PFDN1: variants seen among roughly 807,000 people sequenced by gnomAD.
PFDN1 encodes the protein prefoldin 1.
A neutral mutation model predicts 17.3 loss-of-function variants in PFDN1; 6 were observed. That is an observed-to-expected ratio of 0.35 (90% CI 0.19 to 0.69). The LOEUF (loss-of-function observed/expected upper bound fraction) is 0.69, where lower values mean the gene tolerates loss of function less well. Among genes scored for constraint, PFDN1 ranks in the 30% least tolerant of loss-of-function variants. The probability of loss-of-function intolerance (pLI) is 0.65; values close to 1 mark genes in which losing one functional copy is unlikely to be tolerated. For missense variants in PFDN1, 113 were observed against 146.2 expected, an observed-to-expected ratio of 0.77 and a Z score of 1.17; for synonymous variants, 58 against 50.1, an observed-to-expected ratio of 1.16 and a Z score of -0.67.
intron 2 of PFDN1, among the ~76,000 whole-genome samples, chr5:140,285,067 G>A (rs1765464804): frequency 6.6e-6 from 1 of 152,110 alleles, no homozygotes; most frequent in Non-Finnish European, 1.5e-5. Context: ...GCTGCATTTT[G>A]GACACAATTT....
rs531950021 is a variant in PFDN1, at chr5:140,286,478, A to C, written c.201-4945T>G. On this transcript the variant is annotated intron_variant, in intron 2 of 3. Transcript: ENST00000261813. ...ATGTCATTCCATTTTCAAGATGAAA[A>C]AATATGTAAAATAAAAAAGGATTTA... Among the ~76,000 whole-genome samples the C allele has an allele frequency of 1.1e-4, 16 of 151,586 alleles. No homozygotes were observed. In the South Asian group the frequency reaches 3.3e-3, roughly 31 times the overall value.
chr5:140,302,232 T>C (rs1383873445), intron 1 of PFDN1, among the ~76,000 whole-genome samples: 1 of 152,200 alleles, frequency 6.6e-6, no homozygotes, highest in Non-Finnish European at 1.5e-5. Flanking sequence ...TCCAGAAAAG[T>C]AGATTTAAAA....
chr5:140,246,598 G>A (rs1581078606), intron 3 of PFDN1, among the ~76,000 whole-genome samples: 1 of 152,328 alleles, frequency 6.6e-6, no homozygotes, highest in East Asian at 1.9e-4. Context: ...CTTTTCTAAT[G>A]AGACTGCTGC....
At position 140,279,589 on chromosome 5, in the gene PFDN1, G is replaced by A. The variant is rs564007926; in HGVS notation, c.285+1860C>T. 1.3e-4 allele frequency among the ~76,000 whole-genome samples: 20 copies of A among 151,750 alleles called. No homozygotes were observed. In the South Asian group the frequency reaches 4.2e-3, roughly 32 times the overall value. ...GGCAATCCTCCCGCTTCAGCCTCCC[G>A]TAGCTGGGACTACAAGCATTTGCCA... is the stretch of plus-strand genomic sequence containing the variant. On this transcript the variant is annotated intron_variant, in intron 3 of 3. Transcript: ENST00000261813.
At chr5:140,251,995 T>TTTTCTTTC (rs3082569) in intron 3 of PFDN1, among the ~76,000 whole-genome samples, 76 of 150,498 alleles carry the variant, frequency 5.0e-4, no homozygotes, top group Non-Finnish European at 8.1e-4. Context: ...TTAGTTTTTT[T>TTTTCTTTC]TTTCTTTCTT....
chr5:140,287,576 T>C (rs1359450865), intron 2 of PFDN1, among the ~76,000 whole-genome samples: 1 of 151,716 alleles, frequency 6.6e-6, no homozygotes, highest in South Asian at 2.1e-4. Flanking sequence ...GCAGGGAAAA[T>C]ACAAGATGAA....
At position 140,303,100 on chromosome 5, in the gene PFDN1, G is replaced by T. The variant is rs1238710580; in HGVS notation, c.-27C>A. 6.3e-7 allele frequency: 1 copy of T among 1,599,568 alleles called. No homozygotes were observed. The highest frequency in any genetic ancestry group is 8.6e-7 in the Non-Finnish European group (1 of 1,166,664). On this transcript the variant is annotated 5_prime_UTR_variant, in exon 1 of 4. In the 5' UTR this introduces an upstream ATG that the reference lacks. Coordinates refer to ENST00000261813, the MANE Select transcript of PFDN1 (RefSeq NM_002622.5). ...TTGGTGCACTGTAAGCGCCTGCGCA[G>T]TGGGAGTTGGACTGAAATAGGGTGG... is the stretch of plus-strand genomic sequence containing the variant.
chr5:140,254,464 C>T lies in PFDN1; in HGVS notation c.286-8407G>A, dbSNP rs2126679377. ...GCATCATGCTTAGCCACCGGACTCC[C>T]CCCTCCTTGTTGCTTCAATCTTCCA... On this transcript the variant is annotated intron_variant, in intron 3 of 3. Transcript: ENST00000261813. This position sits in a 1 kb window ranked among gnomAD's most constrained non-coding sequence, Gnocchi z 4.4. Among the ~76,000 whole-genome samples, 1 of 152,312 alleles carries T rather than the reference C, an allele frequency of 6.6e-6. No individual in the cohort carries two copies. Among genetic ancestry groups the T allele is most frequent in the South Asian group, 2.1e-4 (1 of 4,824 alleles).
intron 2 of PFDN1, among the ~76,000 whole-genome samples, chr5:140,297,881 G>A (rs942347675): frequency 2.0e-5 from 3 of 152,088 alleles, no homozygotes; most frequent in Non-Finnish European, 4.4e-5. Context: ...TTTTGAAAAA[G>A]GAATTCTTTA....
At chr5:140,293,232 C>T (rs1039986311) in intron 2 of PFDN1, 1 of 151,526 alleles carries the variant, frequency 6.6e-6, no homozygotes, top group African/African-American at 2.4e-5. Flanking sequence ...TTATCATTGA[C>T]TGGAAAACAC....
chr5:140,262,026 A>C (rs1168148461), intron 3 of PFDN1, among the ~76,000 whole-genome samples: 1 of 152,178 alleles, frequency 6.6e-6, no homozygotes, highest in Admixed American at 6.5e-5. Context: ...TTAATATGCT[A>C]ATAGCTCTGA....
At chr5:140,299,341 A>T (rs571908467) in intron 2 of PFDN1, among the ~76,000 whole-genome samples, 9 of 152,338 alleles carry the variant, frequency 5.9e-5, no homozygotes, top group African/African-American at 2.2e-4. Flanking sequence ...GCGGTGGCTC[A>T]CGCCTGTAAT....
At chr5:140,271,168 A>G (rs916353728) in intron 3 of PFDN1, among the ~76,000 whole-genome samples, 1 of 152,204 alleles carries the variant, frequency 6.6e-6, no homozygotes, top group African/African-American at 2.4e-5. Flanking sequence ...TCTGAAAGCC[A>G]CAAAGGAGGA....
chr5:140,265,201 G>A (rs1022217329), intron 3 of PFDN1, among the ~76,000 whole-genome samples: 8 of 152,094 alleles, frequency 5.3e-5, no homozygotes, highest in African/African-American at 1.4e-4. Context: ...TGCTTGGACA[G>A]CCCATGAAAA....
rs1019971340 is a variant in PFDN1 at position 140,245,260 on chromosome 5, T to C, written c.*714A>G. ...CAGCCTCTAGGAGGCCTCAGGATTA[T>C]GGCGTCCATCTTATGATATTGGCCA... is the stretch of plus-strand genomic sequence containing the variant. On this transcript the variant is annotated 3_prime_UTR_variant, in exon 4 of 4. Transcript: ENST00000261813. The C allele has an allele frequency of 1.9e-6, 1 of 534,762 alleles. No individual in the cohort carries two copies. The highest frequency in any genetic ancestry group is 2.3e-5 in the South Asian group (1 of 43,770). 33.1% of individuals were successfully genotyped at this position (534,762 alleles called of 1,614,324 possible).
intron 3 of PFDN1, among the ~76,000 whole-genome samples, chr5:140,263,468 T>C (rs1325892134): frequency 6.6e-6 from 1 of 152,320 alleles, no homozygotes; most frequent in South Asian, 2.1e-4. Flanking sequence ...TGTCTTTCAA[T>C]TGGTTCCACT....
intron 3 of PFDN1, among the ~76,000 whole-genome samples, chr5:140,248,000 AT>A (rs1251137088): frequency 2.0e-5 from 3 of 152,170 alleles, no homozygotes; most frequent in African/African-American, 4.8e-5. Flanking sequence ...TTTTAATTAC[AT>A]TGCTAAACCA....
At chr5:140,296,580 A>C (rs1765657495) in intron 2 of PFDN1, among the ~76,000 whole-genome samples, 1 of 152,190 alleles carries the variant, frequency 6.6e-6, no homozygotes, top group African/African-American at 2.4e-5. Context: ...TTTCACAAGG[A>C]AAAGAGGAAT....
chr5:140,295,364 G>C (rs1169765252), intron 2 of PFDN1, among the ~76,000 whole-genome samples: 1 of 152,084 alleles, frequency 6.6e-6, no homozygotes, highest in Non-Finnish European at 1.5e-5. Flanking sequence ...TTTTATCCAT[G>C]AAAAAATATA....
Sources: gnomAD v4.1 joint callset for allele counts (sites outside exome capture counted in the v4.1 genomes callset) on GRCh38, gnomAD v4.1.1 for gene constraint, Gnocchi (gnomAD v3.1) non-coding constraint, MANE v1.5 for transcripts, NCBI Gene and HGNC (gene_info 2026-07-23, HGNC 2026-07-21) for gene names.